The following CEP83 variants were observed in gnomAD, a reference collection of about 807,000 sequenced individuals.
CEP83 encodes centrosomal protein of 83 kDa.
In CEP83, 70 loss-of-function variants were observed where a neutral mutation model predicts 101.9. That is an observed-to-expected ratio of 0.69 (90% CI 0.57 to 0.84). The LOEUF is 0.84. Ranked by LOEUF, CEP83 falls within the 40% of genes least tolerant of loss-of-function variation. The pLI is 0.00. For missense variants in CEP83, 715 were observed against 787.2 expected, an observed-to-expected ratio of 0.91 and a Z score of 1.10; for synonymous variants, 264 against 267.9, an observed-to-expected ratio of 0.99 and a Z score of 0.14.
intron 1 of CEP83, 47 bp from the exon 2 acceptor site, chr12:94,435,374 C>T (rs1481004071): frequency 6.6e-6 from 1 of 152,214 alleles, no homozygotes. Flanking sequence ...ACAGGACTTA[C>T]TAAGTTTCCC....
chr12:94,295,155 G>T, the CEP83 span, among the ~76,000 whole-genome samples: 1 of 152,202 alleles, frequency 6.6e-6, no homozygotes, highest in African/African-American at 2.4e-5. Context: ...CTCAGCCCTT[G>T]GAAAGGTTCT....
intron 1 of CEP83, among the ~76,000 whole-genome samples, chr12:94,452,093 AGAC>A (rs1259260666): frequency 6.6e-6 from 1 of 152,214 alleles, no homozygotes; most frequent in South Asian, 2.1e-4. Context: ...CAGATGCAAA[AGAC>A]TACTGTATTG....
chr12:94,307,690 T>G (rs1421468083), downstream of CEP83: 8 of 152,270 alleles, frequency 5.3e-5, no homozygotes, highest in African/African-American at 1.9e-4. Flanking sequence ...GTCTTTTTTT[T>G]TTTTCAATTT....
chr12:94,272,978 G>A, the CEP83 span, among the ~76,000 whole-genome samples: 7 of 152,142 alleles, frequency 4.6e-5, no homozygotes, highest in Non-Finnish European at 1.0e-4. Flanking sequence ...ACCTTGGCTG[G>A]CCTCTTCGCT....
chr12:94,457,533 C>G (rs1428600939), intron 1 of CEP83, among the ~76,000 whole-genome samples: 1 of 152,152 alleles, frequency 6.6e-6, no homozygotes, highest in Non-Finnish European at 1.5e-5. Flanking sequence ...AAGGATTATA[C>G]GAGTCATTCT....
At chr12:94,344,718 G>A (rs1486065726) in intron 11 of CEP83, among the ~76,000 whole-genome samples, 1 of 152,174 alleles carries the variant, frequency 6.6e-6, no homozygotes, top group Middle Eastern at 3.4e-3. Flanking sequence ...TGGATTGGAA[G>A]ACTCAATATT....
intron 12 of CEP83, among the ~76,000 whole-genome samples, chr12:94,334,716 A>G (rs1313298185): frequency 2.6e-5 from 4 of 152,194 alleles, no homozygotes; most frequent in African/African-American, 7.2e-5. Context: ...AGCAATTTTT[A>G]GCAGAATAAA....
intron 6 of CEP83, among the ~76,000 whole-genome samples, chr12:94,381,920 C>A (rs1391843013): frequency 6.6e-6 from 1 of 152,020 alleles, no homozygotes; most frequent in Non-Finnish European, 1.5e-5. Context: ...ATTCCTCTTC[C>A]CTTTTTGGGG....
chr12:94,266,344 G>A, the CEP83 span, among the ~76,000 whole-genome samples: 820 of 152,280 alleles, frequency 5.4e-3, 4 homozygotes, highest in Middle Eastern at 0.02. Context: ...GCGGGAAGCT[G>A]AGCTGAAAGT....
chr12:94,287,362 G>C, the CEP83 span, among the ~76,000 whole-genome samples: 1 of 152,226 alleles, frequency 6.6e-6, no homozygotes, highest in Admixed American at 6.5e-5. Flanking sequence ...ATGTGCACCT[G>C]CATGTTCAGG....
At chr12:94,391,980 A>G (rs1410836351) in intron 6 of CEP83, among the ~76,000 whole-genome samples, 1 of 152,210 alleles carries the variant, frequency 6.6e-6, no homozygotes, top group Non-Finnish European at 1.5e-5. Context: ...GAGCACCCAG[A>G]TTCATAAAGT....
chr12:94,424,492 G>A (rs571236243), intron 2 of CEP83: 14 of 1,613,886 alleles, frequency 8.7e-6, no homozygotes, highest in Middle Eastern at 1.7e-4. Flanking sequence ...AGATAACCTG[G>A]CCAAAGGGCT....
chr12:94,388,521 A>G (rs1313991102), intron 6 of CEP83, among the ~76,000 whole-genome samples: 1 of 152,166 alleles, frequency 6.6e-6, no homozygotes, highest in Non-Finnish European at 1.5e-5. Flanking sequence ...TTATTACCCC[A>G]AAGTTCTGCC....
At chr12:94,388,790 T>C (rs1052392197) in intron 6 of CEP83, among the ~76,000 whole-genome samples, 6 of 152,156 alleles carry the variant, frequency 3.9e-5, no homozygotes, top group Non-Finnish European at 1.5e-5. Flanking sequence ...AAAACAAACA[T>C]GTAAAAAGCT....
At chr12:94,362,366 T>C (rs2060808747) in intron 11 of CEP83, among the ~76,000 whole-genome samples, 1 of 152,140 alleles carries the variant, frequency 6.6e-6, no homozygotes, top group Non-Finnish European at 1.5e-5. Flanking sequence ...ACGCTTATAA[T>C]CTCAGTACTT....
intron 2 of CEP83, among the ~76,000 whole-genome samples, chr12:94,416,700 C>T (rs1359262486): frequency 6.6e-6 from 1 of 152,020 alleles, no homozygotes; most frequent in African/African-American, 2.4e-5. Flanking sequence ...CACCAGAAAA[C>T]AGAAACTTCC....
downstream of CEP83, chr12:94,304,155 G>C: frequency 6.8e-6 from 5 of 737,914 alleles, no homozygotes; most frequent in Non-Finnish European, 1.1e-5. Context: ...CAAAAGGCCA[G>C]AAAGGGAAGC....
chr12:94,284,375 A>T, the CEP83 span, among the ~76,000 whole-genome samples: 1 of 152,168 alleles, frequency 6.6e-6, no homozygotes, highest in Admixed American at 6.5e-5. Flanking sequence ...TCCAGAAATG[A>T]GCAAGAGCAG....
At chr12:94,426,047 G>A (rs940394719) in intron 2 of CEP83, among the ~76,000 whole-genome samples, 3 of 151,856 alleles carry the variant, frequency 2.0e-5, no homozygotes, top group African/African-American at 7.3e-5. Flanking sequence ...GTGTGAACCT[G>A]GGAGGTGGAG....
Sources: gnomAD v4.1 joint callset for allele counts (sites outside exome capture counted in the v4.1 genomes callset) on GRCh38, gnomAD v4.1.1 for gene constraint, MANE v1.5 for transcripts, NCBI Gene and HGNC (gene_info 2026-07-23, HGNC 2026-07-21) for gene names.